MAP3K2: variants seen among roughly 807,000 people sequenced by gnomAD.
MAP3K2 encodes the protein mitogen-activated protein kinase kinase kinase 2, also known as MAP/ERK kinase kinase 2.
Under a neutral mutation model 80.3 loss-of-function variants are expected in MAP3K2, and 24 were observed. The observed-to-expected ratio is 0.30, with a 90% confidence interval of 0.22 to 0.42. MAP3K2 has a LOEUF of 0.42. Ranked by LOEUF, MAP3K2 falls within the 10% of genes least tolerant of loss-of-function variation. The pLI, the probability that MAP3K2 is intolerant of heterozygous loss-of-function variation, is 1.00. For missense variants in MAP3K2, 608 were observed against 750.1 expected, an observed-to-expected ratio of 0.81 and a Z score of 2.21; for synonymous variants, 244 against 253.7, an observed-to-expected ratio of 0.96 and a Z score of 0.36.
chr2:127,338,141 T>G (rs1193987066), intron 3 of MAP3K2, among the ~76,000 whole-genome samples: 2 of 152,174 alleles, frequency 1.3e-5, no homozygotes, highest in African/African-American at 4.8e-5. Context: ...ACATCCTCAT[T>G]TCTAAAAATC....
Position 127,329,905 on chromosome 2 carries a change from G to A in MAP3K2, c.466+16C>T. On this transcript the variant is annotated intron_variant, in intron 7 of 16. Coordinates refer to ENST00000682094, the MANE Select transcript of MAP3K2 (RefSeq NM_001371910.2). ...GAGAAATCATTCATTTCATAATTCA[G>A]ACACTAGTTTCTTACCTATTATAGA... 7.2e-7 allele frequency: 1 copy of A among 1,395,958 alleles called. No homozygotes were observed. Among genetic ancestry groups the A allele is most frequent in the Non-Finnish European group, 1.0e-6 (1 of 984,262 alleles). The allele number at this position is 1,395,958 out of a possible 1,614,324, so 86.5% of individuals were successfully genotyped here.
intron 12 of MAP3K2, among the ~76,000 whole-genome samples, chr2:127,319,650 C>CAA (rs57472022): frequency 0.024 from 1,735 of 71,658 alleles, 6 homozygotes; most frequent in East Asian, 0.052. Flanking sequence ...ACTAAAAATA[C>CAA]AAAAAAAAAA....
At chr2:127,387,415 C>CACACACAA in intron 1 of MAP3K2, 37 bp downstream of exon 1, 1 of 949,708 alleles carries the variant, frequency 1.1e-6, no homozygotes, top group Non-Finnish European at 1.3e-6. Context: ...CACACACACA[C>CACACACAA]ACACACAAGC....
intron 1 of MAP3K2, among the ~76,000 whole-genome samples, chr2:127,387,217 AAC>A (rs1687369720): frequency 1.3e-5 from 2 of 152,222 alleles, no homozygotes; most frequent in African/African-American, 4.8e-5. Flanking sequence ...TCTGACAGCT[AAC>A]ACAGCCCAGC....
chr2:127,324,206 T>C lies in MAP3K2; in HGVS notation c.713A>G (p.Gln238Arg). 1 of 1,566,578 alleles carries C rather than the reference T, an allele frequency of 6.4e-7. No homozygotes were observed. Among genetic ancestry groups the C allele is most frequent in the Non-Finnish European group, 8.6e-7 (1 of 1,156,460 alleles). ...SYPKSRMPRA[Q>R]SYPDNHQEFS... ...TTCCTGATGATTATCTGGGTAGCTC[T>C]GAGCCCTAGGCATTCGTGATTTTGG... Residue 238 changes from glutamine (Q) to arginine (R), a missense_variant, in exon 10 of 17, where the codon CAG becomes CGG. Gln to Arg is a conservative substitution (Grantham distance 43). Transcript: ENST00000682094.
intron 2 of MAP3K2, 114 bp downstream of exon 2, chr2:127,343,012 A>C: frequency 1.4e-6 from 1 of 717,460 alleles, no homozygotes. Flanking sequence ...TAAATCTGCT[A>C]TATCATAAAA....
chr2:127,345,036 TAA>T (rs1326458178), intron 1 of MAP3K2, among the ~76,000 whole-genome samples: 1 of 152,074 alleles, frequency 6.6e-6, no homozygotes. Flanking sequence ...AGCTGATTTT[TAA>T]AAAAAGATTT....
intron 1 of MAP3K2, chr2:127,378,203 T>C: frequency 3.1e-6 from 3 of 973,040 alleles, no homozygotes; most frequent in Non-Finnish European, 3.7e-6. Flanking sequence ...AAACCAAAGG[T>C]ACAAATTTTA....
intron 1 of MAP3K2, among the ~76,000 whole-genome samples, chr2:127,369,715 T>G (rs893360592): frequency 1.3e-5 from 2 of 152,154 alleles, no homozygotes; most frequent in Non-Finnish European, 2.9e-5. Flanking sequence ...AAGATTAAAT[T>G]TCCCCATCCT....
intron 1 of MAP3K2, among the ~76,000 whole-genome samples, chr2:127,371,316 G>A (rs962658574): frequency 6.6e-6 from 1 of 152,176 alleles, no homozygotes; most frequent in Admixed American, 6.5e-5. Flanking sequence ...CTCCAGGGGA[G>A]GCGTCCCCAT....
In MAP3K2 at chr2:127,301,555, A is replaced by G. The variant is rs1685592562; in HGVS notation, c.*6024T>C. The G allele has an allele frequency of 6.6e-6, 1 of 152,224 alleles. No homozygotes were observed. The allele number at this position is 152,224 out of a possible 1,614,324, so 9.4% of individuals were successfully genotyped here. ...TGCTAATTATTTTGGCTATGTGTACAGGGAATATAAAAGCTTTGGTTTAAA... is the reference window on the plus strand; with the variant it reads ...TGCTAATTATTTTGGCTATGTGTACGGGGAATATAAAAGCTTTGGTTTAAA... On this transcript the variant is annotated 3_prime_UTR_variant, in exon 17 of 17. Coordinates refer to ENST00000682094, the MANE Select transcript of MAP3K2 (RefSeq NM_001371910.2).
chr2:127,311,699 T>C (rs924345032), intron 15 of MAP3K2, among the ~76,000 whole-genome samples: 1 of 151,958 alleles, frequency 6.6e-6, no homozygotes, highest in South Asian at 2.1e-4. Context: ...AATGGTTCAG[T>C]ACATATCTTT....
Position 127,361,799 on chromosome 2 carries a change from T to A in MAP3K2, c.-65-18605A>T, listed in dbSNP as rs140249497. Among the ~76,000 whole-genome samples the A allele has an allele frequency of 2.2e-4, 34 of 152,276 alleles. 1 individual carries two copies. In the East Asian group the frequency reaches 6.6e-3, roughly 29 times the overall value. ...CAAAGTATTGTAGAATGTTTTAGAG[T>A]CACATAGGGACCTGGGTTCAAAACC... is the stretch of plus-strand genomic sequence containing the variant. On this transcript the variant is annotated intron_variant, in intron 1 of 16. Transcript: ENST00000682094.
chr2:127,345,528 T>G (rs1337336113), intron 1 of MAP3K2, among the ~76,000 whole-genome samples: 1 of 152,204 alleles, frequency 6.6e-6, no homozygotes, highest in Non-Finnish European at 1.5e-5. Context: ...ACTACTAGGC[T>G]TAACAAACAC....
At chr2:127,369,666 G>A (rs1051218298) in intron 1 of MAP3K2, among the ~76,000 whole-genome samples, 2 of 152,022 alleles carry the variant, frequency 1.3e-5, no homozygotes, top group Non-Finnish European at 2.9e-5. Context: ...TGGGAGGGCT[G>A]TTCACAAATA....
In MAP3K2 at chr2:127,322,541, CAAT is replaced by C. The variant is rs1399122818; in HGVS notation, c.839-292_839-290del. On this transcript the variant is annotated intron_variant, in intron 11 of 16. Coordinates refer to ENST00000682094, the MANE Select transcript of MAP3K2 (RefSeq NM_001371910.2). The surrounding 1 kb of genome is among the most constrained non-coding windows in gnomAD (Gnocchi z 4.2). Reference sequence around the variant, plus strand: ...GAGGAAAAAAATTTACTCTCATTTCCAATAATGATTTTAAAATCTAAAACAAAG... The same window carrying C: ...GAGGAAAAAAATTTACTCTCATTTCCAATGATTTTAAAATCTAAAACAAAG... Among the ~76,000 whole-genome samples, 1 of 152,114 alleles carries C rather than the reference CAAT, an allele frequency of 6.6e-6. No individual in the cohort carries two copies. The highest frequency in any genetic ancestry group is 1.5e-5 in the Non-Finnish European group (1 of 68,020).
At chr2:127,374,342 G>A (rs533376446) in intron 1 of MAP3K2, among the ~76,000 whole-genome samples, 46 of 152,030 alleles carry the variant, frequency 3.0e-4, no homozygotes, top group South Asian at 8.3e-4. Flanking sequence ...ACACACATTC[G>A]GGCCCACAGC....
At position 127,305,892 on chromosome 2, in the gene MAP3K2, A is replaced by C. The variant is rs912272478; in HGVS notation, c.*1687T>G. The C allele has an allele frequency of 6.6e-6, 1 of 150,782 alleles. No homozygotes were observed. The highest frequency in any genetic ancestry group is 2.4e-5 in the African/African-American group (1 of 41,070). 9.3% of individuals were successfully genotyped at this position (150,782 alleles called of 1,614,324 possible). On this transcript the variant is annotated 3_prime_UTR_variant, in exon 17 of 17. Transcript: ENST00000682094. ...TACTAGAAATACGTGGCAGCTTTTT[A>C]ACCTTCCCATTAGTAGTTAAAATTT...
rs1322049463 is a variant in MAP3K2 at position 127,301,690 on chromosome 2, T to C, written c.*5889A>G. The C allele has an allele frequency of 6.6e-6, 1 of 152,206 alleles. No individual in the cohort carries two copies. Among genetic ancestry groups the C allele is most frequent in the African/African-American group, 2.4e-5 (1 of 41,452 alleles). The allele number at this position is 152,206 out of a possible 1,614,324, so 9.4% of individuals were successfully genotyped here. A position where few individuals can be genotyped will look rare whatever the true frequency, so the allele number is the denominator to read the frequency against. ...TATTAACAAAAATACCATATGACTA[T>C]CAATTAAAATGCACAATTATGAAAA... On this transcript the variant is annotated 3_prime_UTR_variant, in exon 17 of 17. Coordinates refer to ENST00000682094, the MANE Select transcript of MAP3K2 (RefSeq NM_001371910.2).
Sources: allele counts gnomAD v4.1 joint callset (sites outside exome capture counted in the v4.1 genomes callset), GRCh38; gene constraint gnomAD v4.1.1; non-coding constraint Gnocchi (gnomAD v3.1); transcripts MANE v1.5; gene names NCBI Gene and HGNC (gene_info 2026-07-23, HGNC 2026-07-21).